The following KIAA0319 variants were observed in gnomAD, a reference collection of about 807,000 sequenced individuals.
The protein encoded by KIAA0319 is KIAA0319.
In KIAA0319, 83 loss-of-function variants were observed where a neutral mutation model predicts 108.4. The ratio of observed to expected loss-of-function variants is 0.77; its 90% CI spans 0.64 to 0.92. The LOEUF (loss-of-function observed/expected upper bound fraction) is 0.92. KIAA0319 is among the 40% of genes least tolerant of loss of function. The pLI, the probability that KIAA0319 is intolerant of heterozygous loss-of-function variation, is 0.00. For missense variants in KIAA0319, 1,195 were observed against 1,322.4 expected (o/e 0.90, Z 1.49); for synonymous variants, 484 against 510.4 (o/e 0.95, Z 0.70).
At chr6:24,608,875 G>A (rs981758049) in intron 1 of KIAA0319, among the ~76,000 whole-genome samples, 2 of 128,976 alleles carry the variant, frequency 1.6e-5, no homozygotes, top group Non-Finnish European at 3.1e-5. Flanking sequence ...AGCTTGCAAT[G>A]AGCCAAGATC....
intron 1 of KIAA0319, among the ~76,000 whole-genome samples, chr6:24,643,088 G>A (rs1428723518): frequency 6.6e-6 from 1 of 152,138 alleles, no homozygotes; most frequent in African/African-American, 2.4e-5. Flanking sequence ...TTATTTAGAA[G>A]GAAAAATAAC....
In KIAA0319 at chr6:24,555,262, C is replaced by T. The variant is rs536022676; in HGVS notation, c.2858-631G>A. On this transcript the variant is annotated intron_variant, in intron 18 of 20. Transcript: ENST00000378214. The stretch of plus-strand genomic sequence containing the variant: ...CTGTAATCCCAACACTCTGGGAGGC[C>T]GAACGGGGCAGATGACTTGAGGTCA... 3.9e-5 allele frequency among the ~76,000 whole-genome samples: 6 copies of T among 152,182 alleles called. No homozygotes were observed. In the East Asian group the frequency reaches 5.8e-4, roughly 15 times the overall value.
intron 17 of KIAA0319, 57 bp downstream of exon 17, chr6:24,558,956 A>C: frequency 6.6e-7 from 1 of 1,512,564 alleles, no homozygotes. Flanking sequence ...TATGTTTGTC[A>C]AACTTATCCA....
chr6:24,618,384 G>C (rs1773454316), intron 1 of KIAA0319, among the ~76,000 whole-genome samples: 2 of 152,094 alleles, frequency 1.3e-5, no homozygotes, highest in South Asian at 4.1e-4. Context: ...CAAGGGAAGA[G>C]GACTGCTTGA....
chr6:24,553,340 CATATAT>C (rs71542684), intron 19 of KIAA0319, among the ~76,000 whole-genome samples: 1 of 125,902 alleles, frequency 7.9e-6, no homozygotes, highest in Admixed American at 7.9e-5. Context: ...CACACACGCA[CATATAT>C]ATATATATAT....
At chr6:24,603,240 ATAT>A (rs1770906883) in intron 1 of KIAA0319, among the ~76,000 whole-genome samples, 1 of 152,322 alleles carries the variant, frequency 6.6e-6, no homozygotes, top group Admixed American at 6.5e-5. Context: ...CAACCCAGAC[ATAT>A]TATTATCTCT....
chr6:24,566,637 G>T lies in KIAA0319; in HGVS notation c.2252C>A (p.Ser751Tyr). The change falls in exon 14 of 21, where the codon TCC (serine) becomes TAC (tyrosine). Residue 751 changes from serine (S) to tyrosine (Y), a missense_variant. Transcript: ENST00000378214. ...CTGGCCATCCCGGATCCACAGATAG[G>T]ACACAATTCTTTGGTCATCAGTAGA... is the stretch of plus-strand genomic sequence containing the variant. The part of the protein sequence containing the change: ...SRSTDDQRIV[S>Y]YLWIRDGQSP... The T allele has an allele frequency of 6.2e-7, 1 of 1,612,856 alleles. No individual in the cohort carries two copies. Among genetic ancestry groups the T allele is most frequent in the Non-Finnish European group, 8.5e-7 (1 of 1,179,486 alleles).
intron 1 of KIAA0319, among the ~76,000 whole-genome samples, chr6:24,632,606 A>G (rs929318235): frequency 4.6e-5 from 7 of 152,226 alleles, no homozygotes; most frequent in African/African-American, 1.7e-4. Flanking sequence ...ACCTGCAGAG[A>G]TGACTTGCCT....
At position 24,596,360 on chromosome 6, in the gene KIAA0319, C is replaced by T. The variant is rs150735878; in HGVS notation, c.314G>A (p.Arg105Gln). Residue 105 changes from arginine to glutamine, a missense_variant, in exon 3 of 21, where the codon CGG becomes CAG. Transcript: ENST00000378214. Reference sequence around the variant, plus strand: ...CAGCTGTGCAGGCCTCTGAACAGGCCGGAGCACAAAAGTGAGATAAGACCT... The same window carrying T: ...CAGCTGTGCAGGCCTCTGAACAGGCTGGAGCACAAAAGTGAGATAAGACCT... ...PIRSYLTFVL[R>Q]PVQRPAQLLD... 42 of 1,614,060 alleles carry T rather than the reference C, an allele frequency of 2.6e-5. No homozygotes were observed. The highest frequency in any genetic ancestry group is 4.5e-5 in the East Asian group (2 of 44,896).
At chr6:24,562,099 G>C (rs1763187222) in intron 16 of KIAA0319, among the ~76,000 whole-genome samples, 1 of 152,240 alleles carries the variant, frequency 6.6e-6, no homozygotes, top group South Asian at 2.1e-4. Flanking sequence ...GCCTCCCAAA[G>C]TGTTGGGATT....
At chr6:24,616,824 A>C (rs1445052346) in intron 1 of KIAA0319, among the ~76,000 whole-genome samples, 1 of 152,122 alleles carries the variant, frequency 6.6e-6, no homozygotes, top group Non-Finnish European at 1.5e-5. Context: ...CTAGTTAATA[A>C]ATTTCTCATT....
At chr6:24,575,227 A>T (rs185134308) in intron 10 of KIAA0319, among the ~76,000 whole-genome samples, 1 of 152,188 alleles carries the variant, frequency 6.6e-6, no homozygotes, top group Non-Finnish European at 1.5e-5. Context: ...GGTGTCTGGC[A>T]ACTGGGCTGG....
intron 1 of KIAA0319, chr6:24,601,423 C>T: frequency 1.8e-6 from 1 of 563,622 alleles, no homozygotes; most frequent in Non-Finnish European, 2.2e-6. Context: ...ACTCTCCTTA[C>T]AAGCTGTGGA....
chr6:24,563,513 T>C lies in KIAA0319; in HGVS notation c.2437A>G (p.Arg813Gly), dbSNP rs1228572435. The change falls in exon 16 of 21, where the codon AGG (arginine) becomes GGG (glycine). Residue 813 changes from arginine (R) to glycine (G), a missense_variant. Coordinates refer to ENST00000378214, the MANE Select transcript of KIAA0319 (RefSeq NM_014809.4). ...GTCAGCTCCACCAGGCCACTCTTCC[T>C]AGGGTCTGGGGAAAGAGAAGATACA... ...TATVEVQPDP[R>G]KSGLVELTLQ... The C allele has an allele frequency of 2.5e-6, 4 of 1,608,864 alleles. No individual in the cohort carries two copies. Among genetic ancestry groups the C allele is most frequent in the Admixed American group, 1.7e-5 (1 of 59,770 alleles).
intron 18 of KIAA0319, among the ~76,000 whole-genome samples, chr6:24,555,857 A>T (rs144050846): frequency 6.6e-6 from 1 of 152,314 alleles, no homozygotes; most frequent in African/African-American, 2.4e-5. Context: ...CCAGAAAATC[A>T]CACTGAGCCT....
At chr6:24,600,910 C>A in intron 2 of KIAA0319, 139 bp downstream of exon 2, 1 of 1,129,994 alleles carries the variant, frequency 8.8e-7, no homozygotes, top group Non-Finnish European at 1.3e-6. Flanking sequence ...ATGAGGTCTG[C>A]CTTTCATGCT....
At chr6:24,640,140 G>A (rs966445395) in intron 1 of KIAA0319, among the ~76,000 whole-genome samples, 7 of 152,078 alleles carry the variant, frequency 4.6e-5, no homozygotes, top group African/African-American at 1.7e-4. Flanking sequence ...TGCATACAAT[G>A]TGTAATGTTA....
At chr6:24,593,595 G>A (rs1043709195) in intron 3 of KIAA0319, among the ~76,000 whole-genome samples, 2 of 151,206 alleles carry the variant, frequency 1.3e-5, no homozygotes, top group African/African-American at 2.4e-5. Flanking sequence ...TAGAGATGGG[G>A]TTTCACCATG....
intron 3 of KIAA0319, among the ~76,000 whole-genome samples, chr6:24,592,215 G>A (rs904095475): frequency 1.3e-5 from 2 of 152,180 alleles, no homozygotes; most frequent in African/African-American, 4.8e-5. Context: ...AATAAGGTAT[G>A]AGATAGGGGT....
Sources: allele counts gnomAD v4.1 joint callset (sites outside exome capture counted in the v4.1 genomes callset), GRCh38; gene constraint gnomAD v4.1.1; transcripts MANE v1.5; gene names NCBI Gene and HGNC (gene_info 2026-07-23, HGNC 2026-07-21).